AVL9: variants seen among roughly 807,000 people sequenced by gnomAD.
AVL9 encodes the protein late secretory pathway protein AVL9 homolog.
Under a neutral mutation model 79.2 loss-of-function variants are expected in AVL9, and 49 were observed. The observed-to-expected ratio is 0.62, with a 90% CI of 0.49 to 0.79. AVL9 has a LOEUF of 0.79. Among genes scored for constraint, AVL9 ranks in the 30% least tolerant of loss-of-function variants. The pLI is 0.00. For synonymous variants in AVL9, 299 were observed against 280.6 expected (o/e 1.07, Z -0.65); for missense variants, 682 against 776.8 (o/e 0.88, Z 1.45).
chr7:32,565,281 T>G (rs1790506988), intron 10 of AVL9, among the ~76,000 whole-genome samples: 2 of 152,342 alleles, frequency 1.3e-5, no homozygotes, highest in South Asian at 4.1e-4. Context: ...TCAATGCGAC[T>G]GGGCGTGGTG....
intron 1 of AVL9, among the ~76,000 whole-genome samples, chr7:32,503,778 G>C (rs979800608): frequency 6.6e-6 from 1 of 151,838 alleles, no homozygotes; most frequent in East Asian, 2.0e-4. Flanking sequence ...CACCTCCGGG[G>C]TACAAGCAAT....
intron 1 of AVL9, among the ~76,000 whole-genome samples, chr7:32,529,971 T>C (rs1788574888): frequency 6.6e-6 from 1 of 152,244 alleles, no homozygotes; most frequent in African/African-American, 2.4e-5. Flanking sequence ...GTAACTGCTG[T>C]ATAGTATTTC....
At chr7:32,537,870 AG>A (rs1250143051) in intron 1 of AVL9, 1 of 152,258 alleles carries the variant, frequency 6.6e-6, no homozygotes, top group African/African-American at 2.4e-5. Context: ...AGAGAATTAT[AG>A]AAAGCTGCCA....
intron 6 of AVL9, among the ~76,000 whole-genome samples, chr7:32,552,690 A>G (rs971363094): frequency 6.6e-6 from 1 of 152,052 alleles, no homozygotes. Context: ...CCACAGGTGC[A>G]TGCCATCACT....
intron 1 of AVL9, among the ~76,000 whole-genome samples, chr7:32,523,322 G>A (rs2128124901): frequency 6.6e-6 from 1 of 151,750 alleles, no homozygotes; most frequent in Admixed American, 6.6e-5. Flanking sequence ...CATTGCCTGG[G>A]GCAATGCTGA....
chr7:32,517,113 G>T (rs1399097893), intron 1 of AVL9, among the ~76,000 whole-genome samples: 1 of 151,988 alleles, frequency 6.6e-6, no homozygotes, highest in Non-Finnish European at 1.5e-5. Flanking sequence ...ATATCTCCTG[G>T]CTAGAGTTCT....
intron 1 of AVL9, among the ~76,000 whole-genome samples, chr7:32,510,976 A>G (rs371140513): frequency 8.6e-3 from 461 of 53,704 alleles, no homozygotes; most frequent in East Asian, 0.015. Flanking sequence ...GGAGTCCACA[A>G]TCCTGGCACT....
At position 32,583,824 on chromosome 7, in the gene AVL9, A is replaced by G. The variant is rs762025493; in HGVS notation, c.1864A>G (p.Lys622Glu). 6.2e-7 allele frequency: 1 copy of G among 1,614,016 alleles called. No individual in the cohort carries two copies. The highest frequency in any genetic ancestry group is 2.2e-5 in the East Asian group (1 of 44,874). The change falls in exon 16 of 16, where the codon AAG becomes GAG. Residue 622 changes from lysine to glutamate, a missense_variant. Physicochemically the swap from Lys to Glu is moderately conservative, Grantham distance 56 (BLOSUM62 1). Transcript: ENST00000318709. ...QSVGGAFSSA[K>E]TAMSSWLSTF... ...AGTTGGAGGAGCTTTTTCCAGTGCA[A>G]AGACAGCTATGTCTTCATGGCTTTC...
Position 32,505,884 on chromosome 7 carries a change from A to G in AVL9, c.93+10082A>G, listed in dbSNP as rs1183474230. On this transcript the variant is annotated intron_variant, in intron 1 of 15. Coordinates refer to ENST00000318709, the MANE Select transcript of AVL9 (RefSeq NM_015060.3). ...AGACCTCTCTTGGATGCTCATATAT[A>G]TATTTATGTACTGAGAGCATAAATT... 1.2e-4 allele frequency among the ~76,000 whole-genome samples: 18 copies of G among 152,200 alleles called. 1 individual carries two copies. The highest frequency in any genetic ancestry group is 1.2e-3 in the Admixed American group (18 of 15,286).
chr7:32,544,663 C>T lies in AVL9; in HGVS notation c.215-31C>T, dbSNP rs759771817. On this transcript the variant is annotated intron_variant, in intron 2 of 15. Coordinates refer to ENST00000318709, the MANE Select transcript of AVL9 (RefSeq NM_015060.3). Reference sequence around the variant, plus strand: ...ACTTATTAATAAGGGTAATTCACCTCACTATTTACATTTTTCTATGTATCT... The same window carrying T: ...ACTTATTAATAAGGGTAATTCACCTTACTATTTACATTTTTCTATGTATCT... The T allele has an allele frequency of 2.0e-6, 3 of 1,479,900 alleles. No individual in the cohort carries two copies. The African/African-American group carries it at 4.1e-5, about 20-fold the overall frequency. The allele number at this position is 1,479,900 out of a possible 1,614,324, so 91.7% of individuals were successfully genotyped here. A position where few individuals can be genotyped will look rare whatever the true frequency, so the allele number is the denominator to read the frequency against.
chr7:32,574,631 A>T (rs1791001878), intron 12 of AVL9, among the ~76,000 whole-genome samples: 1 of 152,052 alleles, frequency 6.6e-6, no homozygotes, highest in African/African-American at 2.4e-5. Context: ...AGCACTTTAC[A>T]TCTAGTAATT....
intron 1 of AVL9, among the ~76,000 whole-genome samples, chr7:32,496,254 G>A (rs1352980471): frequency 1.3e-5 from 2 of 152,198 alleles, no homozygotes; most frequent in Admixed American, 1.3e-4. Context: ...CAGGTAGCTT[G>A]CAGCACATGC....
At chr7:32,529,213 G>T (rs1024568333) in intron 1 of AVL9, among the ~76,000 whole-genome samples, 1 of 152,222 alleles carries the variant, frequency 6.6e-6, no homozygotes, top group Admixed American at 6.5e-5. Flanking sequence ...AGCAGAAGAG[G>T]TTGGCTTTGT....
At chr7:32,507,485 G>A (rs1297721544) in intron 1 of AVL9, among the ~76,000 whole-genome samples, 1 of 152,114 alleles carries the variant, frequency 6.6e-6, no homozygotes, top group Non-Finnish European at 1.5e-5. Context: ...TTCACTTTAT[G>A]GAAATATAAT....
At chr7:32,582,013 A>G (rs1791532908) in intron 15 of AVL9, among the ~76,000 whole-genome samples, 2 of 152,190 alleles carry the variant, frequency 1.3e-5, no homozygotes, top group African/African-American at 4.8e-5. Flanking sequence ...AAGTCAGACA[A>G]ATGGTAGCAT....
At position 32,586,275 on chromosome 7, in the gene AVL9, C is replaced by T. The variant is rs1264034388; in HGVS notation, c.*2368C>T. The T allele has an allele frequency of 6.6e-6, 1 of 152,122 alleles. No individual in the cohort carries two copies. The highest frequency in any genetic ancestry group is 1.5e-5 in the Non-Finnish European group (1 of 68,030). The allele number at this position is 152,122 out of a possible 1,614,324, so 9.4% of individuals were successfully genotyped here. A position where few individuals can be genotyped will look rare whatever the true frequency, so the allele number is the denominator to read the frequency against. On this transcript the variant is annotated 3_prime_UTR_variant, in exon 16 of 16. Coordinates refer to ENST00000318709, the MANE Select transcript of AVL9 (RefSeq NM_015060.3). ...CTTAGTGGTCACTTTACTGACTTTC[C>T]AACATAAAACAAGTATCTCAGAAGA...
Position 32,579,550 on chromosome 7 carries a change from TTATATATTATATTATATATTATATTA to T in AVL9, c.1689-663_1689-638del, listed in dbSNP as rs1791370568. Among the ~76,000 whole-genome samples, 18 of 3,418 alleles carry T rather than the reference TTATATATTATATTATATATTATATTA, an allele frequency of 5.3e-3. 7 individuals are homozygous for T. Among genetic ancestry groups the T allele is most frequent in the East Asian group, 0.023 (4 of 176 alleles). 2.2% of individuals were successfully genotyped at this position (3,418 alleles called of 152,430 possible). ...TATATATTATATTATATATTATATA[TTATATATTATATTATATATTATATTA>T]TATATTATATATTATATATTATATA... is the stretch of plus-strand genomic sequence containing the variant. On this transcript the variant is annotated intron_variant, in intron 13 of 15. Transcript: ENST00000318709.
chr7:32,578,846 G>A (rs1047199050), intron 13 of AVL9, among the ~76,000 whole-genome samples: 4 of 151,960 alleles, frequency 2.6e-5, no homozygotes, highest in African/African-American at 9.7e-5. Context: ...GTTATCAGAG[G>A]GTGTCATTTA....
chr7:32,537,981 C>A (rs1788992480), intron 1 of AVL9: 1 of 152,162 alleles, frequency 6.6e-6, no homozygotes, highest in Non-Finnish European at 1.5e-5. Flanking sequence ...GTTGTAAATA[C>A]TCTGGGCCCA....
Sources: allele counts gnomAD v4.1 joint callset (sites outside exome capture counted in the v4.1 genomes callset), GRCh38; gene constraint gnomAD v4.1.1; transcripts MANE v1.5; gene names NCBI Gene and HGNC (gene_info 2026-07-23, HGNC 2026-07-21).